Variants in ELAVL1 observed in about 807,000 individuals in gnomAD.
ELAVL1 encodes ELAV-like protein 1.
In ELAVL1, 1 loss-of-function variant was observed where a neutral mutation model predicts 28.4. That is an observed-to-expected ratio of 0.04 (90% CI 0.01 to 0.17). The LOEUF is 0.17. ELAVL1 is among the 10% of genes least tolerant of loss of function. The pLI, the probability that ELAVL1 is intolerant of heterozygous loss-of-function variation, is 1.00. For missense variants in ELAVL1, 157 were observed against 447.2 expected (o/e 0.35, Z 5.85); for synonymous variants, 174 against 183.5 (o/e 0.95, Z 0.42).
chr19:7,977,421 G>A (rs1599669778), intron 3 of ELAVL1, among the ~76,000 whole-genome samples: 1 of 152,298 alleles, frequency 6.6e-6, no homozygotes, highest in East Asian at 1.9e-4. Context: ...TGGGGCTGTG[G>A]AGAGGGCACG....
intron 1 of ELAVL1, among the ~76,000 whole-genome samples, chr19:8,004,704 A>C (rs2081080815): frequency 1.3e-5 from 2 of 152,146 alleles, no homozygotes; most frequent in Non-Finnish European, 2.9e-5. Flanking sequence ...CTTTCTAGCA[A>C]GGGGGCTCAG....
At position 7,963,765 on chromosome 19, in the gene ELAVL1, G is replaced by A. The variant is rs200745899; in HGVS notation, c.699C>T (p.Gly233=). ...MGVDHMSGLS[G]VNVPGNASSG... ...AGGAGGCGTTTCCTGGCACGTTGAC[G>A]CCAGAGAGCCCGCTCATGTGATCGA... The change falls in exon 6 of 6, where the codon GGC becomes GGT. Residue 233 remains glycine (G), a synonymous_variant. Coordinates refer to ENST00000407627, the MANE Select transcript of ELAVL1 (RefSeq NM_001419.3). This position sits in a 1 kb window ranked among gnomAD's most constrained non-coding sequence, Gnocchi z 4.5. 8.6e-5 allele frequency: 139 copies of A among 1,614,252 alleles called. No homozygotes were observed. In the East Asian group the frequency reaches 2.7e-3, roughly 31 times the overall value.
rs1037694833 is a variant in ELAVL1 at position 7,961,619 on chromosome 19, G to A, written c.*1864C>T. 1.3e-5 allele frequency: 2 copies of A among 152,226 alleles called. No homozygotes were observed. Among genetic ancestry groups the A allele is most frequent in the Non-Finnish European group, 2.9e-5 (2 of 68,044 alleles). The allele number at this position is 152,226 out of a possible 1,614,324, so 9.4% of individuals were successfully genotyped here. ...TTCCTGAGGATCTGGGATTCTGTGGGAGAAAGGAGGTCCTCTCTGGCACCA... is the reference window on the plus strand; with the variant it reads ...TTCCTGAGGATCTGGGATTCTGTGGAAGAAAGGAGGTCCTCTCTGGCACCA... On this transcript the variant is annotated 3_prime_UTR_variant, in exon 6 of 6. Transcript: ENST00000407627.
At chr19:7,991,049 G>T (rs1242831620) in intron 2 of ELAVL1, among the ~76,000 whole-genome samples, 1 of 152,210 alleles carries the variant, frequency 6.6e-6, no homozygotes, top group Admixed American at 6.5e-5. Flanking sequence ...CCACTGTGAG[G>T]GAGTGGAACA....
At chr19:7,976,913 C>G (rs1985313873) in intron 3 of ELAVL1, among the ~76,000 whole-genome samples, 1 of 150,606 alleles carries the variant, frequency 6.6e-6, no homozygotes, top group Admixed American at 6.6e-5. Context: ...GACTTGAACT[C>G]CTGGGCTCAA....
At chr19:7,973,685 A>G (rs940350187) in intron 4 of ELAVL1, 40 bp downstream of exon 4, 5 of 1,591,298 alleles carry the variant, frequency 3.1e-6, no homozygotes, top group Admixed American at 3.5e-5. Context: ...GCCCCCACCT[A>G]GAGAACACCC....
At chr19:7,973,156 T>C (rs1985168189) in intron 4 of ELAVL1, 1 of 151,752 alleles carries the variant, frequency 6.6e-6, no homozygotes, top group South Asian at 2.1e-4. Context: ...GCCAGCACAT[T>C]TGGGTGCCTG....
At position 7,986,385 on chromosome 19, in the gene ELAVL1, G is replaced by A. The variant is rs532936747; in HGVS notation, c.173-5199C>T. 2.0e-5 allele frequency among the ~76,000 whole-genome samples: 3 copies of A among 152,354 alleles called. No homozygotes were observed. The East Asian group carries it at 5.8e-4, about 29-fold the overall frequency. On this transcript the variant is annotated intron_variant, in intron 2 of 5. Coordinates refer to ENST00000407627, the MANE Select transcript of ELAVL1 (RefSeq NM_001419.3). ...AAAAGAAACAGGCGAAGGACAAGAA[G>A]GGTATTTTACAAAAGTAGTACAAAC...
intron 1 of ELAVL1, among the ~76,000 whole-genome samples, chr19:8,003,557 T>C (rs947855581): frequency 1.3e-5 from 2 of 151,358 alleles, no homozygotes; most frequent in Non-Finnish European, 2.9e-5. Flanking sequence ...TCGGGCGTGG[T>C]AGCCGGCGCC....
rs978003739 is a variant in ELAVL1, at chr19:7,982,308, A to T, written c.173-1122T>A. On this transcript the variant is annotated intron_variant, in intron 2 of 5. Coordinates refer to ENST00000407627, the MANE Select transcript of ELAVL1 (RefSeq NM_001419.3). The surrounding 1 kb of genome is among the most constrained non-coding windows in gnomAD (Gnocchi z 4.3). ...CCATGCACTTGCAAGGCTGCTGAAC[A>T]TCTGCTGTGGGCCTGAGCCTCACCC... is the stretch of plus-strand genomic sequence containing the variant. Among the ~76,000 whole-genome samples, 8 of 152,132 alleles carry T rather than the reference A, an allele frequency of 5.3e-5. No homozygotes were observed. Among genetic ancestry groups the T allele is most frequent in the Non-Finnish European group, 1.0e-4 (7 of 68,012 alleles).
Position 7,960,741 on chromosome 19 carries a change from G to A in ELAVL1, c.*2742C>T, listed in dbSNP as rs562300297. 5 of 152,632 alleles carry A rather than the reference G, an allele frequency of 3.3e-5. No homozygotes were observed. The South Asian group carries it at 1.0e-3, about 32-fold the overall frequency. 9.5% of individuals were successfully genotyped at this position (152,632 alleles called of 1,614,324 possible). The stretch of plus-strand genomic sequence containing the variant: ...TTTTCATCGAAATTCCCAAATAAAA[G>A]CAGAGCACTCATTTTTGCTAAATAG... On this transcript the variant is annotated 3_prime_UTR_variant, in exon 6 of 6. Transcript: ENST00000407627.
At chr19:7,967,812 A>C in intron 4 of ELAVL1, 22 bp from the exon 5 acceptor site, 1 of 1,606,098 alleles carries the variant, frequency 6.2e-7, no homozygotes. Context: ...ATCAACAAAA[A>C]CGGAGTTAGG....
intron 2 of ELAVL1, among the ~76,000 whole-genome samples, chr19:7,987,588 C>T (rs1279365191): frequency 1.3e-5 from 2 of 152,220 alleles, no homozygotes; most frequent in Admixed American, 6.5e-5. Context: ...GCCATCATCA[C>T]GCCCCTCCTT....
Position 7,963,916 on chromosome 19 carries a change from C to G in ELAVL1, c.657-109G>C. On this transcript the variant is annotated intron_variant, in intron 5 of 5. Transcript: ENST00000407627. This position sits in a 1 kb window ranked among gnomAD's most constrained non-coding sequence, Gnocchi z 4.5. ...GGCCGCTGGGCCCCATCCCGCTCTG[C>G]GCAGCCACGAGGTGCTCACGGTTGA... is the stretch of plus-strand genomic sequence containing the variant. 1 of 1,270,560 alleles carries G rather than the reference C, an allele frequency of 7.9e-7. No individual in the cohort carries two copies. 78.7% of individuals were successfully genotyped at this position (1,270,560 alleles called of 1,614,324 possible). A position where few individuals can be genotyped will look rare whatever the true frequency, so the allele number is the denominator to read the frequency against.
chr19:8,003,706 A>G (rs1011299050), intron 1 of ELAVL1, among the ~76,000 whole-genome samples: 1 of 151,908 alleles, frequency 6.6e-6, no homozygotes, highest in African/African-American at 2.4e-5. Flanking sequence ...AAAAAAAAAA[A>G]AAAGAAATAG....
chr19:8,003,355 C>CAAA (rs71165248), intron 1 of ELAVL1, among the ~76,000 whole-genome samples: 10 of 61,080 alleles, frequency 1.6e-4, no homozygotes, highest in Non-Finnish European at 2.2e-4. Context: ...GAAACTGTCT[C>CAAA]AAAAAAAAAA....
chr19:7,989,703 G>A (rs1985701951), intron 2 of ELAVL1, among the ~76,000 whole-genome samples: 1 of 152,232 alleles, frequency 6.6e-6, no homozygotes, highest in Non-Finnish European at 1.5e-5. Flanking sequence ...TGGTCTCCTG[G>A]AGCAGGAGAG....
Position 7,963,323 on chromosome 19 carries a change from T to C in ELAVL1, c.*160A>G. 1 of 764,322 alleles carries C rather than the reference T, an allele frequency of 1.3e-6. No individual in the cohort carries two copies. Among genetic ancestry groups the C allele is most frequent in the Non-Finnish European group, 2.1e-6 (1 of 484,652 alleles). 47.3% of individuals were successfully genotyped at this position (764,322 alleles called of 1,614,324 possible). On this transcript the variant is annotated 3_prime_UTR_variant, in exon 6 of 6. Coordinates refer to ENST00000407627, the MANE Select transcript of ELAVL1 (RefSeq NM_001419.3). This position sits in a 1 kb window ranked among gnomAD's most constrained non-coding sequence, Gnocchi z 4.5. Reference sequence around the variant, plus strand: ...TTGTGGGATTTCAAACATTTGAACATGTCGGTTGCATCCCAGAGTATAAAA... The same window carrying C: ...TTGTGGGATTTCAAACATTTGAACACGTCGGTTGCATCCCAGAGTATAAAA...
chr19:7,995,786 A>C (rs1265709908), intron 1 of ELAVL1, among the ~76,000 whole-genome samples: 6 of 145,952 alleles, frequency 4.1e-5, no homozygotes, highest in Non-Finnish European at 9.0e-5. Context: ...ACTTCGTTAA[A>C]AAAAAAAAAA....
Sources: gnomAD v4.1 joint callset for allele counts (sites outside exome capture counted in the v4.1 genomes callset) on GRCh38, gnomAD v4.1.1 for gene constraint, Gnocchi (gnomAD v3.1) non-coding constraint, MANE v1.5 for transcripts, NCBI Gene and HGNC (gene_info 2026-07-23, HGNC 2026-07-21) for gene names.